IQCH: variants seen among roughly 807,000 people sequenced by gnomAD.
IQCH encodes IQ domain-containing protein H.
Under a neutral mutation model 117.0 loss-of-function variants are expected in IQCH, and 98 were observed. The observed-to-expected ratio is 0.84, with a 90% CI of 0.71 to 0.99. The LOEUF (loss-of-function observed/expected upper bound fraction) is 0.99. IQCH is among the 50% of genes least tolerant of loss of function. The pLI is 0.00. For synonymous variants in IQCH, 412 were observed against 448.2 expected, an observed-to-expected ratio of 0.92 and a Z score of 1.02; for missense variants, 1,102 against 1,243.8, an observed-to-expected ratio of 0.89 and a Z score of 1.72.
chr15:67,257,086 T>TATC (rs1965253091), intron 1 of IQCH, among the ~76,000 whole-genome samples: 1 of 152,216 alleles, frequency 6.6e-6, no homozygotes, highest in African/African-American at 2.4e-5. Flanking sequence ...TGGAAAGCAC[T>TATC]TGATAGGGAG....
At chr15:67,382,779 C>T (rs910724127) in intron 10 of IQCH, among the ~76,000 whole-genome samples, 9 of 152,152 alleles carry the variant, frequency 5.9e-5, no homozygotes, top group Admixed American at 5.9e-4. Context: ...CCCCAGTGTT[C>T]CTAATTGATA....
intron 4 of IQCH, among the ~76,000 whole-genome samples, chr15:67,313,040 A>T (rs928793526): frequency 1.3e-5 from 2 of 152,202 alleles, no homozygotes; most frequent in Non-Finnish European, 2.9e-5. Context: ...AGAATGTGTA[A>T]AGTAAACCCA....
chr15:67,430,018 G>T lies in IQCH; in HGVS notation c.2505+8441G>T, dbSNP rs2140939863. On this transcript the variant is annotated intron_variant, in intron 16 of 20. Coordinates refer to ENST00000335894, the MANE Select transcript of IQCH (RefSeq NM_001031715.3). This position sits in a 1 kb window ranked among gnomAD's most constrained non-coding sequence, Gnocchi z 5.1. Reference sequence around the variant, plus strand: ...CTGGTCCCTGGGAAATGGAGATGGTGGAGCATGGTCTAAGATTACTCCTGC... The same window carrying T: ...CTGGTCCCTGGGAAATGGAGATGGTTGAGCATGGTCTAAGATTACTCCTGC... Among the ~76,000 whole-genome samples, 1 of 152,256 alleles carries T rather than the reference G, an allele frequency of 6.6e-6. No homozygotes were observed. The highest frequency in any genetic ancestry group is 2.1e-4 in the South Asian group (1 of 4,824).
At chr15:67,367,669 A>T (rs1469436987) in intron 8 of IQCH, among the ~76,000 whole-genome samples, 2 of 152,094 alleles carry the variant, frequency 1.3e-5, no homozygotes, top group African/African-American at 4.8e-5. Context: ...AAGGAGCCAT[A>T]TGGAGAGTTC....
At chr15:67,450,934 T>C (rs549761373) in intron 16 of IQCH, among the ~76,000 whole-genome samples, 17 of 152,386 alleles carry the variant, frequency 1.1e-4, no homozygotes, top group African/African-American at 4.1e-4. Context: ...ATTCAGCTTC[T>C]TCCTGGTTTA....
At chr15:67,410,663 A>C (rs2081427075) in intron 14 of IQCH, among the ~76,000 whole-genome samples, 3 of 152,236 alleles carry the variant, frequency 2.0e-5, no homozygotes, top group Non-Finnish European at 1.5e-5. Context: ...GGGGGGCAAC[A>C]ATCTCAATCA....
chr15:67,462,125 G>A (rs562475020), intron 16 of IQCH, among the ~76,000 whole-genome samples: 34 of 150,856 alleles, frequency 2.3e-4, no homozygotes, highest in Non-Finnish European at 4.6e-4. Flanking sequence ...CACTGCGCCC[G>A]GCCTACCTTA....
chr15:67,260,457 A>G (rs190157112), intron 1 of IQCH, among the ~76,000 whole-genome samples: 8 of 152,364 alleles, frequency 5.3e-5, no homozygotes, highest in Admixed American at 3.9e-4. Context: ...ACACCTACCA[A>G]ACTCCTTCTT....
At chr15:67,460,945 T>G (rs528928326) in intron 16 of IQCH, among the ~76,000 whole-genome samples, 5 of 152,302 alleles carry the variant, frequency 3.3e-5, no homozygotes, top group Non-Finnish European at 7.4e-5. Context: ...CATAAACATT[T>G]TAAATTCATC....
chr15:67,285,578 G>A (rs1966529843), intron 4 of IQCH, among the ~76,000 whole-genome samples: 2 of 152,104 alleles, frequency 1.3e-5, no homozygotes. Context: ...GGTTTTTATA[G>A]TTTGGGGTTT....
At chr15:67,327,541 A>G (rs1442276848) in intron 4 of IQCH, among the ~76,000 whole-genome samples, 1 of 152,200 alleles carries the variant, frequency 6.6e-6, no homozygotes, top group Admixed American at 6.5e-5. Flanking sequence ...ACTGTGGACT[A>G]CATCTTCCTA....
rs1042730864 is a variant in IQCH at position 67,476,724 on chromosome 15, A to G, written c.2799+906A>G. Reference sequence around the variant, plus strand: ...GCCTAGAGACTCATGTTACTCCAGAAAAATAGTTTCATGTTTTTCTACTTT... The same window carrying G: ...GCCTAGAGACTCATGTTACTCCAGAGAAATAGTTTCATGTTTTTCTACTTT... On this transcript the variant is annotated intron_variant, in intron 18 of 20. Transcript: ENST00000335894. This position sits in a 1 kb window ranked among gnomAD's most constrained non-coding sequence, Gnocchi z 4.1. Among the ~76,000 whole-genome samples the G allele has an allele frequency of 1.3e-5, 2 of 152,192 alleles. No homozygotes were observed. Among genetic ancestry groups the G allele is most frequent in the Admixed American group, 1.3e-4 (2 of 15,282 alleles).
chr15:67,290,194 G>A (rs970432413), intron 4 of IQCH, among the ~76,000 whole-genome samples: 7 of 151,976 alleles, frequency 4.6e-5, no homozygotes, highest in African/African-American at 1.7e-4. Context: ...AAAATCAGTG[G>A]AAGGCTTCTG....
At chr15:67,266,090 T>C (rs1965656742) in intron 3 of IQCH, among the ~76,000 whole-genome samples, 1 of 151,882 alleles carries the variant, frequency 6.6e-6, no homozygotes, top group African/African-American at 2.4e-5. Context: ...ACATAGCCAT[T>C]GGTCAAAGGA....
At chr15:67,444,010 G>A (rs550868566) in intron 16 of IQCH, among the ~76,000 whole-genome samples, 15 of 152,334 alleles carry the variant, frequency 9.8e-5, no homozygotes, top group East Asian at 9.6e-4. Flanking sequence ...TGGCTGCCAA[G>A]CCTGTGTTCT....
intron 6 of IQCH, among the ~76,000 whole-genome samples, chr15:67,346,616 A>G (rs977824521): frequency 6.6e-6 from 1 of 152,154 alleles, no homozygotes; most frequent in Non-Finnish European, 1.5e-5. Flanking sequence ...CCTGTTGTGT[A>G]GCTCAGTTCC....
At chr15:67,298,359 T>A (rs1274731132) in intron 4 of IQCH, among the ~76,000 whole-genome samples, 1 of 148,264 alleles carries the variant, frequency 6.7e-6, no homozygotes, top group Non-Finnish European at 1.5e-5. Context: ...GACATACAAA[T>A]GACAAACAGG....
intron 6 of IQCH, among the ~76,000 whole-genome samples, chr15:67,353,449 T>A (rs935063696): frequency 1.3e-5 from 2 of 151,692 alleles, no homozygotes; most frequent in Admixed American, 1.3e-4. Context: ...AACCTCTGCC[T>A]CCAGGGCTCA....
intron 3 of IQCH, among the ~76,000 whole-genome samples, chr15:67,270,260 A>G (rs567612949): frequency 6.6e-6 from 1 of 152,364 alleles, no homozygotes; most frequent in East Asian, 1.9e-4. Flanking sequence ...TATTATACGG[A>G]ATAAACGTTG....
Sources: gnomAD v4.1 joint callset for allele counts (sites outside exome capture counted in the v4.1 genomes callset) on GRCh38, gnomAD v4.1.1 for gene constraint, Gnocchi (gnomAD v3.1) non-coding constraint, MANE v1.5 for transcripts, NCBI Gene and HGNC (gene_info 2026-07-23, HGNC 2026-07-21) for gene names.